Variants in FHIT observed in about 807,000 individuals in gnomAD.
FHIT encodes fragile histidine triad diadenosine triphosphatase.
In FHIT, 19 loss-of-function variants were observed where a neutral mutation model predicts 17.9. The ratio of observed to expected loss-of-function variants is 1.06; its 90% CI spans 0.74 to 1.56. The LOEUF is 1.56. FHIT is among the 40% of genes most tolerant of loss of function. The pLI, the probability that FHIT is intolerant of heterozygous loss-of-function variation, is 0.00. For synonymous variants in FHIT, 81 were observed against 69.7 expected (o/e 1.16, Z -0.81); for missense variants, 248 against 189.2 (o/e 1.31, Z -1.82).
intron 2 of FHIT, among the ~76,000 whole-genome samples, chr3:61,070,505 A>G (rs2034767768): frequency 6.6e-6 from 1 of 152,214 alleles, no homozygotes; most frequent in African/African-American, 2.4e-5. Flanking sequence ...AAATTTGCAG[A>G]TCTTGGCTGC....
intron 4 of FHIT, among the ~76,000 whole-genome samples, chr3:60,753,504 G>C (rs566758410): frequency 6.6e-6 from 1 of 152,274 alleles, no homozygotes; most frequent in East Asian, 1.9e-4. Context: ...GTAAGGGAGC[G>C]ATCCACTCTC....
intron 3 of FHIT, among the ~76,000 whole-genome samples, chr3:60,855,977 T>A (rs1057259027): frequency 6.6e-5 from 10 of 152,024 alleles, no homozygotes; most frequent in African/African-American, 2.4e-4. Context: ...GGCTTTTATT[T>A]TGGGGAGAAG....
chr3:60,499,928 GATTTATGGGTTTAC>G (rs968394864), intron 5 of FHIT, among the ~76,000 whole-genome samples: 5 of 152,234 alleles, frequency 3.3e-5, no homozygotes, highest in African/African-American at 9.6e-5. Flanking sequence ...TGTTGTTTGT[GATTTATGGGTTTAC>G]ATTTATGGGT....
At chr3:60,206,889 T>C (rs548208404) in intron 5 of FHIT, among the ~76,000 whole-genome samples, 1 of 152,310 alleles carries the variant, frequency 6.6e-6, no homozygotes, top group South Asian at 2.1e-4. Flanking sequence ...ATTACTATTC[T>C]AGTTTAATTT....
At chr3:61,202,140 C>T (rs539072684) in intron 1 of FHIT, among the ~76,000 whole-genome samples, 47 of 151,938 alleles carry the variant, frequency 3.1e-4, no homozygotes, top group Admixed American at 3.3e-4. Flanking sequence ...GAGAAAAAGC[C>T]GTCTGGGAAG....
At chr3:59,839,709 T>C (rs2106742561) in intron 8 of FHIT, among the ~76,000 whole-genome samples, 1 of 152,244 alleles carries the variant, frequency 6.6e-6, no homozygotes, top group East Asian at 1.9e-4. Context: ...TATCTCTCTC[T>C]ACCAAACACT....
intron 4 of FHIT, among the ~76,000 whole-genome samples, chr3:60,736,406 T>G (rs986803352): frequency 6.6e-6 from 1 of 152,220 alleles, no homozygotes; most frequent in Non-Finnish European, 1.5e-5. Context: ...TTCCATTTAC[T>G]AATGAATGGA....
chr3:60,441,783 AATATAT>A (rs71092605), intron 5 of FHIT, among the ~76,000 whole-genome samples: 1 of 23,946 alleles, frequency 4.2e-5, no homozygotes, highest in African/African-American at 7.4e-5. Flanking sequence ...TATGTATAAA[AATATAT>A]ATATATATAT....
chr3:60,674,916 T>G (rs1219848583), intron 4 of FHIT, among the ~76,000 whole-genome samples: 1 of 152,132 alleles, frequency 6.6e-6, no homozygotes, highest in African/African-American at 2.4e-5. Flanking sequence ...CATGCATCTC[T>G]CTTATTCAGT....
chr3:61,211,880 G>A (rs2039489016), intron 1 of FHIT, among the ~76,000 whole-genome samples: 1 of 152,226 alleles, frequency 6.6e-6, no homozygotes, highest in African/African-American at 2.4e-5. Context: ...CACTGCTGCT[G>A]ATACCCAGGC....
intron 4 of FHIT, among the ~76,000 whole-genome samples, chr3:60,812,015 C>T (rs1452490180): frequency 6.6e-6 from 1 of 151,976 alleles, no homozygotes; most frequent in Non-Finnish European, 1.5e-5. Context: ...AATCATTTAT[C>T]CCTCCAAACT....
intron 5 of FHIT, among the ~76,000 whole-genome samples, chr3:60,356,791 A>T (rs985169708): frequency 7.0e-6 from 1 of 143,124 alleles, no homozygotes; most frequent in African/African-American, 2.7e-5. Flanking sequence ...CGGAAGAAAG[A>T]GTAAATTGTA....
intron 5 of FHIT, among the ~76,000 whole-genome samples, chr3:60,418,130 AT>A (rs1702318337): frequency 6.6e-6 from 1 of 152,012 alleles, no homozygotes; most frequent in Non-Finnish European, 1.5e-5. Context: ...TAATTGTTAC[AT>A]TTTGTGATCT....
At chr3:60,447,813 A>G (rs889403487) in intron 5 of FHIT, among the ~76,000 whole-genome samples, 1 of 152,188 alleles carries the variant, frequency 6.6e-6, no homozygotes, top group Non-Finnish European at 1.5e-5. Context: ...ATCCAACTTA[A>G]GCCTTTCTGT....
chr3:60,071,105 T>C (rs930274838), intron 5 of FHIT, among the ~76,000 whole-genome samples: 3 of 152,170 alleles, frequency 2.0e-5, no homozygotes, highest in Non-Finnish European at 2.9e-5. Flanking sequence ...CTTCCTTGCT[T>C]GCCATGCCCT....
intron 1 of FHIT, among the ~76,000 whole-genome samples, chr3:61,202,782 T>A (rs905625135): frequency 6.6e-6 from 1 of 152,156 alleles, no homozygotes; most frequent in Non-Finnish European, 1.5e-5. Context: ...GCGGACACTG[T>A]GTCTCACGCC....
chr3:60,408,018 G>A (rs1701936655), intron 5 of FHIT, among the ~76,000 whole-genome samples: 1 of 152,118 alleles, frequency 6.6e-6, no homozygotes, highest in Non-Finnish European at 1.5e-5. Context: ...CTCTACCAAT[G>A]ACAGCACATG....
chr3:60,295,803 C>A (rs116468156), intron 5 of FHIT, among the ~76,000 whole-genome samples: 21 of 152,232 alleles, frequency 1.4e-4, no homozygotes, highest in Admixed American at 3.3e-4. Flanking sequence ...GAAAGGATAG[C>A]TTTTCCAACA....
chr3:60,514,728 A>G (rs1189936864), intron 5 of FHIT, among the ~76,000 whole-genome samples: 1 of 152,144 alleles, frequency 6.6e-6, no homozygotes, highest in Non-Finnish European at 1.5e-5. Context: ...ATCATAAGCC[A>G]TTTTGCCTCC....
Sources: gnomAD v4.1 joint callset for allele counts (sites outside exome capture counted in the v4.1 genomes callset) on GRCh38, gnomAD v4.1.1 for gene constraint, MANE v1.5 for transcripts, NCBI Gene and HGNC (gene_info 2026-07-23, HGNC 2026-07-21) for gene names.